C19orf18: variants seen among roughly 807,000 people sequenced by gnomAD.
The protein encoded by C19orf18 is uncharacterized protein C19orf18.
A neutral mutation model predicts 23.3 loss-of-function variants in C19orf18; 21 were observed. The ratio of observed to expected loss-of-function variants is 0.90; its 90% CI spans 0.64 to 1.30. C19orf18 has a LOEUF of 1.30. Among genes scored for constraint, C19orf18 ranks in the 50% most tolerant of loss-of-function variants. The pLI is 0.00. For synonymous variants in C19orf18, 96 were observed against 95.2 expected (o/e 1.01, Z -0.05); for missense variants, 249 against 259.6 (o/e 0.96, Z 0.28).
rs75897091 is a variant in C19orf18 at position 57,970,300 on chromosome 19, G to A, written c.268+2163C>T. 7.0e-3 allele frequency among the ~76,000 whole-genome samples: 1,067 copies of A among 152,224 alleles called. 4 individuals carry two copies. The highest frequency in any genetic ancestry group is 0.011 in the Non-Finnish European group (769 of 68,002). ...CAATAATCTTCCTTGGAACGTTGCC[G>A]TCTATAACCAATCAAATAGCTGTAA... On this transcript the variant is annotated intron_variant, in intron 3 of 5. Transcript: ENST00000314391.
intron 4 of C19orf18, among the ~76,000 whole-genome samples, chr19:57,964,319 T>A (rs1568566800): frequency 6.6e-6 from 1 of 152,236 alleles, no homozygotes; most frequent in Non-Finnish European, 1.5e-5. Flanking sequence ...TCTCACTCTG[T>A]CGCCCAGGAG....
intron 4 of C19orf18, among the ~76,000 whole-genome samples, chr19:57,964,072 T>G (rs1260528464): frequency 7.9e-5 from 12 of 152,278 alleles, no homozygotes; most frequent in African/African-American, 2.6e-4. Flanking sequence ...GTTTTGTTTT[T>G]TTTGTTTGTT....
intron 3 of C19orf18, among the ~76,000 whole-genome samples, chr19:57,970,592 T>G (rs543156239): frequency 6.6e-6 from 1 of 152,276 alleles, no homozygotes; most frequent in African/African-American, 2.4e-5. Flanking sequence ...TATAATTTTT[T>G]TTTTTTTGTT....
At chr19:57,970,198 CT>C (rs1399416708) in intron 3 of C19orf18, among the ~76,000 whole-genome samples, 1 of 152,150 alleles carries the variant, frequency 6.6e-6, no homozygotes, top group Non-Finnish European at 1.5e-5. Flanking sequence ...CAACTTCTGC[CT>C]TTTTTCCTGT....
intron 3 of C19orf18, among the ~76,000 whole-genome samples, chr19:57,967,232 T>C (rs902479934): frequency 2.6e-5 from 4 of 152,250 alleles, no homozygotes; most frequent in African/African-American, 7.2e-5. Context: ...AAAGTAACTG[T>C]AGACCATGAA....
At chr19:57,962,021 T>C (rs2072876932) in intron 4 of C19orf18, among the ~76,000 whole-genome samples, 1 of 150,746 alleles carries the variant, frequency 6.6e-6, no homozygotes, top group Admixed American at 6.6e-5. Flanking sequence ...TCTCTCCCTT[T>C]CTCTTTCTCT....
At chr19:57,960,508 C>T (rs1041654776) in intron 5 of C19orf18, among the ~76,000 whole-genome samples, 1 of 151,254 alleles carries the variant, frequency 6.6e-6, no homozygotes, top group African/African-American at 2.4e-5. Context: ...GACAGCAGAA[C>T]ATGTCTGTGG....
At position 57,963,097 on chromosome 19, in the gene C19orf18, G is replaced by A. The variant is rs186788629; in HGVS notation, c.372-1546C>T. ...GCTGGAGTGCAATGGCGCGATCTTG[G>A]CTCACCACAACCTCCACCTCCCAGG... is the stretch of plus-strand genomic sequence containing the variant. On this transcript the variant is annotated intron_variant, in intron 4 of 5. Coordinates refer to ENST00000314391, the MANE Select transcript of C19orf18 (RefSeq NM_152474.5). Among the ~76,000 whole-genome samples, 361 of 150,468 alleles carry A rather than the reference G, an allele frequency of 2.4e-3. 1 individual carries two copies. The highest frequency in any genetic ancestry group is 0.01 in the Middle Eastern group (3 of 292).
At chr19:57,972,976 C>T (rs112235175) in intron 2 of C19orf18, among the ~76,000 whole-genome samples, 9,385 of 151,544 alleles carry the variant, frequency 0.062, 396 homozygotes, top group Middle Eastern at 0.092. Flanking sequence ...GGTGAAACCC[C>T]GTCTCTACTG....
intron 4 of C19orf18, among the ~76,000 whole-genome samples, chr19:57,966,063 C>T (rs958823211): frequency 4.6e-5 from 7 of 151,532 alleles, no homozygotes; most frequent in Non-Finnish European, 7.4e-5. Context: ...CTGCAAGCTC[C>T]GCCTCCCGGG....
At chr19:57,971,584 C>T (rs1368478632) in intron 3 of C19orf18, among the ~76,000 whole-genome samples, 2 of 152,314 alleles carry the variant, frequency 1.3e-5, no homozygotes, top group South Asian at 2.1e-4. Context: ...GATTCTCCCG[C>T]CTCAGCCTCC....
chr19:57,970,979 G>A lies in C19orf18; in HGVS notation c.268+1484C>T, dbSNP rs534149991. Among the ~76,000 whole-genome samples the A allele has an allele frequency of 1.7e-3, 257 of 152,268 alleles. 1 individual carries two copies. Among genetic ancestry groups the A allele is most frequent in the Non-Finnish European group, 2.8e-3 (188 of 68,020 alleles). ...CTTCTAGCACCAGCACACAAAACGA[G>A]CTAGTGTCAAAAGAAGGACCAGTGT... On this transcript the variant is annotated intron_variant, in intron 3 of 5. Coordinates refer to ENST00000314391, the MANE Select transcript of C19orf18 (RefSeq NM_152474.5).
intron 4 of C19orf18, among the ~76,000 whole-genome samples, chr19:57,963,864 T>G (rs1418185040): frequency 3.9e-5 from 6 of 152,182 alleles, no homozygotes; most frequent in Admixed American, 3.9e-4. Context: ...CACTCCAGCC[T>G]GGGCAACAGA....
chr19:57,966,525 C>T lies in C19orf18; in HGVS notation c.371+5G>A. 1 of 1,559,418 alleles carries T rather than the reference C, an allele frequency of 6.4e-7. No homozygotes were observed. ...GACAGCAGATATTACTTAGCAGATA[C>T]TTACTATATCATATAGGAGATTGCC... On this transcript the variant is annotated splice_donor_5th_base_variant and intron_variant, in intron 4 of 5. Transcript: ENST00000314391.
intron 3 of C19orf18, among the ~76,000 whole-genome samples, chr19:57,970,826 T>C (rs954947832): frequency 1.1e-4 from 16 of 152,126 alleles, no homozygotes; most frequent in Admixed American, 9.2e-4. Flanking sequence ...CCCCAAAGTG[T>C]TGGGATTACA....
chr19:57,959,152 A>C (rs1220431103), intron 5 of C19orf18, among the ~76,000 whole-genome samples: 2 of 152,148 alleles, frequency 1.3e-5, no homozygotes, highest in Non-Finnish European at 2.9e-5. Flanking sequence ...TACACTCTCT[A>C]TAGTTTTCTC....
chr19:57,964,555 C>T (rs758700854), intron 4 of C19orf18, among the ~76,000 whole-genome samples: 7 of 152,174 alleles, frequency 4.6e-5, no homozygotes, highest in Non-Finnish European at 1.0e-4. Context: ...GTGTTGGGAT[C>T]ACAAGTGTGA....
At chr19:57,969,366 C>T (rs1287732118) in intron 3 of C19orf18, among the ~76,000 whole-genome samples, 1 of 151,074 alleles carries the variant, frequency 6.6e-6, no homozygotes, top group Non-Finnish European at 1.5e-5. Context: ...ACCAGCCTGG[C>T]CAACATGGTG....
At position 57,974,206 on chromosome 19, in the gene C19orf18, TGAAAA is replaced by T. The variant is rs1245050981; in HGVS notation, c.122-8_122-4del. On this transcript the variant is annotated splice_region_variant and splice_polypyrimidine_tract_variant and intron_variant, in intron 1 of 5. Transcript: ENST00000314391. ...GGGTGGTTGTGACCGTTTACTGCCTTGAAAAGAAAACTTTTTGCGGTGAAATGTAA... is the reference window on the plus strand; with the variant it reads ...GGGTGGTTGTGACCGTTTACTGCCTTGAAAACTTTTTGCGGTGAAATGTAA... 6.2e-7 allele frequency: 1 copy of T among 1,613,784 alleles called. No individual in the cohort carries two copies. Among genetic ancestry groups the T allele is most frequent in the Non-Finnish European group, 8.5e-7 (1 of 1,179,918 alleles).
Sources: allele counts gnomAD v4.1 joint callset (sites outside exome capture counted in the v4.1 genomes callset), GRCh38; gene constraint gnomAD v4.1.1; transcripts MANE v1.5; gene names NCBI Gene and HGNC (gene_info 2026-07-23, HGNC 2026-07-21).